FSHR: variants seen among roughly 807,000 people sequenced by gnomAD.
FSHR encodes the protein follicle stimulating hormone receptor, also known as follicle-stimulating hormone receptor.
Under a neutral mutation model 52.1 loss-of-function variants are expected in FSHR, and 46 were observed. The observed-to-expected ratio is 0.88, with a 90% confidence interval of 0.70 to 1.13. FSHR has a LOEUF of 1.13. Among genes scored for constraint, FSHR ranks in the 50% most tolerant of loss-of-function variants. The pLI, the probability that FSHR is intolerant of heterozygous loss-of-function variation, is 0.00. For synonymous variants in FSHR, 399 were observed against 309.6 expected, an observed-to-expected ratio of 1.29 and a Z score of -3.03; for missense variants, 964 against 834.6, an observed-to-expected ratio of 1.16 and a Z score of -1.91.
rs374888253 is a variant in FSHR, at chr2:49,142,831, C to A, written c.152+11435G>T. Reference sequence around the variant, plus strand: ...TATAGTTTATGTGTCAAATCCCCAGCACCTGTTGATGGATTGGATTTGGGA... The same window carrying A: ...TATAGTTTATGTGTCAAATCCCCAGAACCTGTTGATGGATTGGATTTGGGA... On this transcript the variant is annotated intron_variant, in intron 1 of 9. Coordinates refer to ENST00000406846, the MANE Select transcript of FSHR (RefSeq NM_000145.4). 1.1e-4 allele frequency among the ~76,000 whole-genome samples: 17 copies of A among 152,228 alleles called. No homozygotes were observed. The East Asian group carries it at 2.5e-3, about 23-fold the overall frequency.
intron 4 of FSHR, among the ~76,000 whole-genome samples, chr2:48,992,821 T>C (rs1349737108): frequency 6.6e-6 from 1 of 152,180 alleles, no homozygotes; most frequent in Non-Finnish European, 1.5e-5. Context: ...CATGCTGTCT[T>C]CATTTTCTCA....
intron 1 of FSHR, among the ~76,000 whole-genome samples, chr2:49,102,684 T>G (rs55939609): frequency 0.041 from 6,239 of 152,242 alleles, 419 homozygotes; most frequent in African/African-American, 0.14. Flanking sequence ...TTTGAATGGA[T>G]TAGCTTCATG....
chr2:48,972,479 T>C (rs944066809), intron 8 of FSHR, among the ~76,000 whole-genome samples: 3 of 152,330 alleles, frequency 2.0e-5, no homozygotes, highest in African/African-American at 7.2e-5. Flanking sequence ...CCATTTATAC[T>C]TCCCATTGTT....
chr2:48,992,939 A>G (rs1675852236), intron 4 of FSHR, among the ~76,000 whole-genome samples: 1 of 152,164 alleles, frequency 6.6e-6, no homozygotes, highest in African/African-American at 2.4e-5. Context: ...ACCAAATGTA[A>G]GAAACACTTT....
chr2:48,992,407 T>C (rs1675826030), intron 4 of FSHR, among the ~76,000 whole-genome samples: 1 of 152,200 alleles, frequency 6.6e-6, no homozygotes, highest in African/African-American at 2.4e-5. Flanking sequence ...TTTTCCAAAA[T>C]GTTATGTCAA....
chr2:49,145,129 A>G (rs905996431), intron 1 of FSHR, among the ~76,000 whole-genome samples: 11 of 152,124 alleles, frequency 7.2e-5, no homozygotes, highest in Non-Finnish European at 1.3e-4. Flanking sequence ...GTATTTATCA[A>G]TACAAGTAGT....
intron 1 of FSHR, among the ~76,000 whole-genome samples, chr2:49,127,898 C>CTTCTTCTTCTT (rs1558457105): frequency 1.1e-4 from 3 of 27,258 alleles, no homozygotes; most frequent in Admixed American, 4.4e-4. Flanking sequence ...TCTTCTTCTT[C>CTTCTTCTTCTT]TTTTTTTTTT....
intron 1 of FSHR, among the ~76,000 whole-genome samples, chr2:49,103,513 C>T (rs1671108950): frequency 6.6e-6 from 1 of 152,046 alleles, no homozygotes; most frequent in African/African-American, 2.4e-5. Flanking sequence ...AGTTGTGATC[C>T]TCAGCACAGA....
intron 2 of FSHR, among the ~76,000 whole-genome samples, chr2:49,026,600 G>C (rs1415000798): frequency 6.6e-6 from 1 of 152,106 alleles, no homozygotes; most frequent in Non-Finnish European, 1.5e-5. Context: ...CATATAAGAT[G>C]GTAAATATTA....
chr2:49,068,431 C>G, intron 1 of FSHR, 141 bp from the exon 2 acceptor site: 1 of 717,878 alleles, frequency 1.4e-6, no homozygotes, highest in South Asian at 1.5e-5. Context: ...TACATTCTCT[C>G]TTTTCATCCT....
intron 1 of FSHR, among the ~76,000 whole-genome samples, chr2:49,140,174 G>T (rs922309076): frequency 3.3e-5 from 5 of 152,082 alleles, no homozygotes; most frequent in African/African-American, 1.2e-4. Flanking sequence ...TTTGGAGCTA[G>T]GGCCTGGTGG....
chr2:49,139,123 G>C (rs1161916957), intron 1 of FSHR, among the ~76,000 whole-genome samples: 1 of 152,162 alleles, frequency 6.6e-6, no homozygotes, highest in African/African-American at 2.4e-5. Flanking sequence ...AGTATATACT[G>C]TCTCAAGCTC....
intron 1 of FSHR, among the ~76,000 whole-genome samples, chr2:49,140,963 A>C (rs1672664254): frequency 6.6e-6 from 1 of 152,142 alleles, no homozygotes; most frequent in Non-Finnish European, 1.5e-5. Context: ...AAGATCAGCT[A>C]CTCAACCTGC....
At chr2:49,127,808 CT>C (rs1558456445) in intron 1 of FSHR, among the ~76,000 whole-genome samples, 2 of 57,662 alleles carry the variant, frequency 3.5e-5, no homozygotes, top group African/African-American at 1.5e-4. Context: ...TCTTCTTCTT[CT>C]TCTTCTTCTT....
intron 1 of FSHR, among the ~76,000 whole-genome samples, chr2:49,109,893 A>C (rs976108846): frequency 2.6e-5 from 4 of 152,076 alleles, no homozygotes; most frequent in Non-Finnish European, 4.4e-5. Context: ...ATCAAGACAA[A>C]TCTGTTTTGA....
chr2:48,986,528 A>G (rs562116956), intron 6 of FSHR, among the ~76,000 whole-genome samples: 25 of 151,668 alleles, frequency 1.6e-4, no homozygotes, highest in Non-Finnish European at 2.2e-4. Flanking sequence ...TTTATTGTCT[A>G]TGGATTAAGG....
At chr2:49,059,015 C>T (rs1377092360) in intron 2 of FSHR, among the ~76,000 whole-genome samples, 1 of 152,056 alleles carries the variant, frequency 6.6e-6, no homozygotes, top group African/African-American at 2.4e-5. Context: ...TCAAGAGCAG[C>T]CTGGGCAACA....
intron 4 of FSHR, among the ~76,000 whole-genome samples, chr2:49,005,116 T>G (rs1667032977): frequency 6.6e-6 from 1 of 152,166 alleles, no homozygotes; most frequent in East Asian, 1.9e-4. Flanking sequence ...TATAAATTGA[T>G]GGATCAAGTG....
At chr2:49,059,677 GC>G (rs1669210039) in intron 2 of FSHR, 3 of 152,346 alleles carry the variant, frequency 2.0e-5, no homozygotes, top group African/African-American at 7.2e-5. Context: ...CCTAACAGAT[GC>G]CCCCTTTCAC....
Sources: allele counts gnomAD v4.1 joint callset (sites outside exome capture counted in the v4.1 genomes callset), GRCh38; gene constraint gnomAD v4.1.1; transcripts MANE v1.5; gene names NCBI Gene and HGNC (gene_info 2026-07-23, HGNC 2026-07-21).